Variants in ASB5 observed in about 807,000 individuals in gnomAD.
ASB5 encodes the protein ankyrin repeat and SOCS box containing 5.
ASB5 carries 45 observed loss-of-function variants against 42.1 expected under a neutral mutation model. The observed-to-expected ratio is 1.07, with a 90% CI of 0.84 to 1.37. The LOEUF is 1.37. Among genes scored for constraint, ASB5 ranks in the 40% most tolerant of loss-of-function variants. The pLI, the probability that ASB5 is intolerant of heterozygous loss-of-function variation, is 0.00. For missense variants in ASB5, 402 were observed against 399.8 expected (o/e 1.01, Z -0.05); for synonymous variants, 147 against 150.6 (o/e 0.98, Z 0.18).
At position 176,238,050 on chromosome 4, in the gene ASB5, C is replaced by T. The variant is rs183455992; in HGVS notation, c.197-12709G>A. On this transcript the variant is annotated intron_variant, in intron 1 of 6. Transcript: ENST00000296525. ...CAGCCTGGCCAACGTGGTGAAACCC[C>T]GTCTTTACTAAAAATACAAAAATTA... Among the ~76,000 whole-genome samples the T allele has an allele frequency of 6.3e-4, 96 of 152,042 alleles. No individual in the cohort carries two copies. The East Asian group carries it at 0.016, about 26-fold the overall frequency.
intron 1 of ASB5, among the ~76,000 whole-genome samples, chr4:176,250,064 CAAA>C (rs5864368): frequency 0.015 from 1,946 of 126,682 alleles, 40 homozygotes; most frequent in African/African-American, 0.051. Flanking sequence ...GACTCCATCT[CAAA>C]AAAAAAAAAA....
intron 1 of ASB5, among the ~76,000 whole-genome samples, chr4:176,244,379 C>T (rs979688196): frequency 6.6e-6 from 1 of 152,180 alleles, no homozygotes; most frequent in South Asian, 2.1e-4. Flanking sequence ...ACATTTACAT[C>T]CACAGCTACA....
At chr4:176,236,387 A>G (rs1173011672) in intron 1 of ASB5, among the ~76,000 whole-genome samples, 1 of 152,130 alleles carries the variant, frequency 6.6e-6, no homozygotes. Flanking sequence ...CGCAGTCAAC[A>G]CTGGATAGGC....
At position 176,222,327 on chromosome 4, in the gene ASB5, C is replaced by T. The variant is rs761155063; in HGVS notation, c.370G>A (p.Glu124Lys). ...AAGGTACTTACATTAGCTCCTGCTT[C>T]CAGCAGAGTTCTGGCACATGCCACG... is the stretch of plus-strand genomic sequence containing the variant. Reference protein sequence around the residue: ...DHVACARTLLEAGANVNAITI... With the variant: ...DHVACARTLLKAGANVNAITI... The change falls in exon 3 of 7, where the codon GAA (glutamate) becomes AAA (lysine). Residue 124 changes from glutamate (E) to lysine (K), a missense_variant. Glu to Lys is a moderately conservative substitution (Grantham distance 56). Coordinates refer to ENST00000296525, the MANE Select transcript of ASB5 (RefSeq NM_080874.4). 6.2e-7 allele frequency: 1 copy of T among 1,612,612 alleles called. No individual in the cohort carries two copies. The highest frequency in any genetic ancestry group is 1.1e-5 in the South Asian group (1 of 91,054).
In ASB5 at chr4:176,238,025, C is replaced by A. The variant is rs796610809; in HGVS notation, c.197-12684G>T. Among the ~76,000 whole-genome samples the A allele has an allele frequency of 2.0e-5, 3 of 152,040 alleles. No homozygotes were observed. In the South Asian group the frequency reaches 6.2e-4, roughly 31 times the overall value. Reference sequence around the variant, plus strand: ...TCACCTGAGGTCAGGGGTTAGAGACCAGCCTGGCCAACGTGGTGAAACCCC... The same window carrying A: ...TCACCTGAGGTCAGGGGTTAGAGACAAGCCTGGCCAACGTGGTGAAACCCC... On this transcript the variant is annotated intron_variant, in intron 1 of 6. Transcript: ENST00000296525.
intron 1 of ASB5, among the ~76,000 whole-genome samples, chr4:176,229,440 T>G (rs184427327): frequency 6.6e-6 from 1 of 152,222 alleles, no homozygotes; most frequent in South Asian, 2.1e-4. Context: ...ACTAATGTGT[T>G]TGTTCATCAA....
rs571325994 is a variant in ASB5 at position 176,228,292 on chromosome 4, A to T, written c.197-2951T>A. Among the ~76,000 whole-genome samples, 3 of 152,252 alleles carry T rather than the reference A, an allele frequency of 2.0e-5. No homozygotes were observed. In the East Asian group the frequency reaches 5.8e-4, roughly 29 times the overall value. On this transcript the variant is annotated intron_variant, in intron 1 of 6. Transcript: ENST00000296525. ...TTCAGCAAATTTCTTCTGCTCCCTG[A>T]TGTCGAGAGAAAAAAAGACAATGAC...
chr4:176,254,009 C>G (rs1459567556), intron 1 of ASB5, among the ~76,000 whole-genome samples: 2 of 152,136 alleles, frequency 1.3e-5, no homozygotes, highest in African/African-American at 2.4e-5. Context: ...TTCAGTGTTA[C>G]TTCTGCCAAA....
chr4:176,250,917 G>A (rs1347306105), intron 1 of ASB5, among the ~76,000 whole-genome samples: 1 of 152,140 alleles, frequency 6.6e-6, no homozygotes, highest in African/African-American at 2.4e-5. Context: ...CACTTTTCTG[G>A]TCCTTTCATT....
chr4:176,247,046 T>A (rs1753926991), intron 1 of ASB5, among the ~76,000 whole-genome samples: 1 of 152,178 alleles, frequency 6.6e-6, no homozygotes, highest in Non-Finnish European at 1.5e-5. Context: ...CTCTCTGCCC[T>A]TGACAAACAG....
intron 2 of ASB5, 51 bp downstream of exon 2, chr4:176,225,211 T>C (rs1753341100): frequency 6.9e-7 from 1 of 1,456,814 alleles, no homozygotes; most frequent in Non-Finnish European, 9.6e-7. Flanking sequence ...TTTGACCATG[T>C]TCTGTGCACA....
chr4:176,245,849 G>A (rs1197669036), intron 1 of ASB5, among the ~76,000 whole-genome samples: 1 of 152,080 alleles, frequency 6.6e-6, no homozygotes, highest in African/African-American at 2.4e-5. Flanking sequence ...ATTGAACAAT[G>A]AGAACACTTG....
At chr4:176,222,692 G>A (rs996820168) in intron 2 of ASB5, among the ~76,000 whole-genome samples, 4 of 152,084 alleles carry the variant, frequency 2.6e-5, no homozygotes, top group African/African-American at 9.7e-5. Context: ...TTTAAATGTT[G>A]CTTTCTTAAT....
At chr4:176,234,691 C>T (rs1230528966) in intron 1 of ASB5, among the ~76,000 whole-genome samples, 1 of 152,162 alleles carries the variant, frequency 6.6e-6, no homozygotes, top group African/African-American at 2.4e-5. Flanking sequence ...AGAACCTTGT[C>T]TGAGCAGCCG....
intron 1 of ASB5, among the ~76,000 whole-genome samples, chr4:176,245,837 G>GAACACCGAAC (rs1232769175): frequency 6.6e-6 from 1 of 152,034 alleles, no homozygotes; most frequent in African/African-American, 2.4e-5. Context: ...TCTTCGGTGG[G>GAACACCGAAC]AATTGAACAA....
At chr4:176,241,976 C>T (rs1317888954) in intron 1 of ASB5, among the ~76,000 whole-genome samples, 2 of 152,130 alleles carry the variant, frequency 1.3e-5, no homozygotes, top group African/African-American at 4.8e-5. Context: ...CACAAAACTG[C>T]ACATACACCT....
At chr4:176,275,343 C>T (rs1412898532) in intron 2 of ASB5, among the ~76,000 whole-genome samples, 1 of 151,876 alleles carries the variant, frequency 6.6e-6, no homozygotes, top group Non-Finnish European at 1.5e-5. Flanking sequence ...CTAGGAGGAC[C>T]CTGTTTAGGA....
At position 176,268,995 on chromosome 4, in the gene ASB5, G is replaced by A. The variant is rs1441971079; in HGVS notation, c.114C>T (p.Leu38=). The part of the protein sequence containing the change: ...KLFVKISLAI[L]SHFYIVKGNR... ...TGCCTTTCACTATGTAGAAATGACT[G>A]AGGATGGCAAGGCTGATTTTCACAA... Residue 38 remains leucine (L), a synonymous_variant, in exon 1 of 7, where the codon CTC becomes CTT. Coordinates refer to ENST00000296525, the MANE Select transcript of ASB5 (RefSeq NM_080874.4). 14 of 1,613,648 alleles carry A rather than the reference G, an allele frequency of 8.7e-6. No homozygotes were observed. Among genetic ancestry groups the A allele is most frequent in the Non-Finnish European group, 1.0e-5 (12 of 1,179,746 alleles).
chr4:176,237,560 G>A, intron 1 of ASB5: 1 of 985,634 alleles, frequency 1.0e-6, no homozygotes, highest in Non-Finnish European at 1.2e-6. Context: ...GCTAACTTGA[G>A]ATGTCTTCAA....
Sources: gnomAD v4.1 joint callset for allele counts (sites outside exome capture counted in the v4.1 genomes callset) on GRCh38, gnomAD v4.1.1 for gene constraint, MANE v1.5 for transcripts, NCBI Gene and HGNC (gene_info 2026-07-23, HGNC 2026-07-21) for gene names.